CYP19A1: variants seen among roughly 807,000 people sequenced by gnomAD.
CYP19A1 encodes the protein aromatase.
In CYP19A1, 32 loss-of-function variants were observed where a neutral mutation model predicts 44.4. That is an observed-to-expected ratio of 0.72 (90% CI 0.54 to 0.97). The LOEUF (loss-of-function observed/expected upper bound fraction) is 0.97. CYP19A1 is among the 50% of genes least tolerant of loss of function. CYP19A1 has a pLI of 0.00. For missense variants in CYP19A1, 598 were observed against 637.8 expected (o/e 0.94, Z 0.67); for synonymous variants, 212 against 215.6 (o/e 0.98, Z 0.14).
intron 9 of CYP19A1, 155 bp downstream of exon 9, chr15:51,212,165 C>A: frequency 1.4e-6 from 1 of 720,568 alleles, no homozygotes; most frequent in South Asian, 1.5e-5. Context: ...GGGAGCCCTG[C>A]TCCAAGCTAG....
At chr15:51,241,960 G>A (rs2033796041) in intron 2 of CYP19A1, among the ~76,000 whole-genome samples, 1 of 152,006 alleles carries the variant, frequency 6.6e-6, no homozygotes, top group Non-Finnish European at 1.5e-5. Context: ...TATGGAATTG[G>A]GAACAGATGT....
intron 1 of CYP19A1, among the ~76,000 whole-genome samples, chr15:51,259,612 T>C (rs1204341817): frequency 6.6e-6 from 1 of 152,194 alleles, no homozygotes; most frequent in Non-Finnish European, 1.5e-5. Flanking sequence ...AAACCAGGCA[T>C]GGTAAGACAG....
intron 1 of CYP19A1, among the ~76,000 whole-genome samples, chr15:51,299,023 G>T (rs1341378697): frequency 6.6e-6 from 1 of 152,240 alleles, no homozygotes; most frequent in Non-Finnish European, 1.5e-5. Context: ...ATGAAGTTTT[G>T]CTGGAACCGG....
intron 1 of CYP19A1, among the ~76,000 whole-genome samples, chr15:51,315,195 C>G (rs1478581890): frequency 6.6e-6 from 1 of 151,638 alleles, no homozygotes; most frequent in Non-Finnish European, 1.5e-5. Context: ...TTTCTCAACA[C>G]TCCCCACCTT....
At chr15:51,337,700 GC>G (rs2036799611) in intron 1 of CYP19A1, 1 of 152,514 alleles carries the variant, frequency 6.6e-6, no homozygotes, top group South Asian at 2.1e-4. Flanking sequence ...TCACTGTGTG[GC>G]ACTGCGGTGG....
intron 1 of CYP19A1, among the ~76,000 whole-genome samples, chr15:51,265,332 G>A (rs2034876891): frequency 6.6e-6 from 1 of 152,204 alleles, no homozygotes; most frequent in South Asian, 2.1e-4. Context: ...ATTTTTCATT[G>A]CCTAAGGGAA....
chr15:51,290,365 A>G (rs1441606203), intron 1 of CYP19A1, among the ~76,000 whole-genome samples: 1 of 152,208 alleles, frequency 6.6e-6, no homozygotes, highest in Non-Finnish European at 1.5e-5. Context: ...TGGTTCTTTA[A>G]AGTGGAAAAA....
chr15:51,334,804 A>C (rs922967464), intron 1 of CYP19A1, among the ~76,000 whole-genome samples: 1 of 152,216 alleles, frequency 6.6e-6, no homozygotes, highest in Non-Finnish European at 1.5e-5. Context: ...GCCTGGCTGC[A>C]GAGATTAAGA....
intron 1 of CYP19A1, among the ~76,000 whole-genome samples, chr15:51,305,034 G>A (rs1341884369): frequency 1.3e-5 from 2 of 151,604 alleles, no homozygotes; most frequent in Non-Finnish European, 2.9e-5. Context: ...CGAGCAGCTG[G>A]CATTACAGGC....
At chr15:51,274,372 T>G (rs1263994109) in intron 1 of CYP19A1, among the ~76,000 whole-genome samples, 3 of 152,190 alleles carry the variant, frequency 2.0e-5, no homozygotes, top group African/African-American at 7.2e-5. Context: ...GAATTACCCA[T>G]AGATATCCCT....
intron 1 of CYP19A1, among the ~76,000 whole-genome samples, chr15:51,292,881 G>A (rs1256697811): frequency 6.6e-6 from 1 of 151,700 alleles, no homozygotes; most frequent in Non-Finnish European, 1.5e-5. Flanking sequence ...ACACAGGTCT[G>A]GTCCCCAAAC....
At chr15:51,263,178 G>A (rs1193274899) in intron 1 of CYP19A1, among the ~76,000 whole-genome samples, 3 of 152,204 alleles carry the variant, frequency 2.0e-5, no homozygotes, top group East Asian at 3.8e-4. Context: ...GTCATAAGGT[G>A]TAAATAAAAC....
chr15:51,212,155 G>A (rs888826537), intron 9 of CYP19A1, 165 bp downstream of exon 9: 8 of 692,990 alleles, frequency 1.2e-5, no homozygotes, highest in African/African-American at 8.8e-5. Context: ...GGATGAATAC[G>A]GGAGCCCTGC....
rs28757187 is a variant in CYP19A1 at position 51,219,727 on chromosome 15, T to C, written c.629-1072A>G. ...GGGTTGCACAGGTTTGCCAGCATCATAGTCTGCATCCAAAAATGAATGGAG... is the reference window on the plus strand; with the variant it reads ...GGGTTGCACAGGTTTGCCAGCATCACAGTCTGCATCCAAAAATGAATGGAG... On this transcript the variant is annotated intron_variant, in intron 5 of 9. Transcript: ENST00000396402. Among the ~76,000 whole-genome samples the C allele has an allele frequency of 3.8e-3, 575 of 152,354 alleles. 3 individuals are homozygous for C. The highest frequency in any genetic ancestry group is 0.013 in the African/African-American group (556 of 41,584).
At chr15:51,295,155 T>TA (rs1238440339) in intron 1 of CYP19A1, among the ~76,000 whole-genome samples, 1 of 143,554 alleles carries the variant, frequency 7.0e-6, no homozygotes, top group Non-Finnish European at 1.5e-5. Flanking sequence ...TTTTTTTTTT[T>TA]AATTAATTTG....
intron 1 of CYP19A1, among the ~76,000 whole-genome samples, chr15:51,294,848 A>T (rs1445706660): frequency 6.6e-6 from 1 of 152,120 alleles, no homozygotes; most frequent in Non-Finnish European, 1.5e-5. Context: ...AGAACGGGCC[A>T]TGATGACAAT....
intron 1 of CYP19A1, among the ~76,000 whole-genome samples, chr15:51,314,661 C>G (rs777045984): frequency 5.3e-5 from 8 of 152,166 alleles, no homozygotes; most frequent in Non-Finnish European, 8.8e-5. Flanking sequence ...TCCTCTCTAC[C>G]CACCAAAATC....
chr15:51,336,012 C>T lies in CYP19A1; in HGVS notation c.-39+2483G>A, dbSNP rs1282248671. Among the ~76,000 whole-genome samples, 8 of 152,318 alleles carry T rather than the reference C, an allele frequency of 5.3e-5. No homozygotes were observed. The East Asian group carries it at 1.5e-3, about 29-fold the overall frequency. On this transcript the variant is annotated intron_variant, in intron 1 of 9. Coordinates refer to ENST00000396402, the MANE Select transcript of CYP19A1 (RefSeq NM_000103.4). ...TCCTCCTCTCTGCAATTCTCCTCAC[C>T]CCTATCTTCGCCTAGTTTACAACTC...
At chr15:51,247,785 C>T (rs1344739479) in intron 1 of CYP19A1, among the ~76,000 whole-genome samples, 2 of 152,148 alleles carry the variant, frequency 1.3e-5, no homozygotes, top group African/African-American at 2.4e-5. Context: ...TTTGTACTTC[C>T]CTTTTCCCTT....
Sources: allele counts gnomAD v4.1 joint callset (sites outside exome capture counted in the v4.1 genomes callset), GRCh38; gene constraint gnomAD v4.1.1; transcripts MANE v1.5; gene names NCBI Gene and HGNC (gene_info 2026-07-23, HGNC 2026-07-21).